Variants in ATP1A2 observed in about 807,000 individuals in gnomAD.
ATP1A2 encodes sodium/potassium-transporting ATPase subunit alpha-2.
In ATP1A2, 56 loss-of-function variants were observed where a neutral mutation model predicts 113.1. The observed-to-expected ratio is 0.49, with a 90% CI of 0.40 to 0.62. The LOEUF (loss-of-function observed/expected upper bound fraction) is 0.62. Among genes scored for constraint, ATP1A2 ranks in the 20% least tolerant of loss-of-function variants. The pLI is 0.00. For missense variants in ATP1A2, 712 were observed against 1,357.8 expected (o/e 0.52, Z 7.47); for synonymous variants, 490 against 526.8 (o/e 0.93, Z 0.96).
intron 17 of ATP1A2, 97 bp from the exon 18 acceptor site, chr1:160,136,150 A>C: frequency 6.9e-6 from 11 of 1,603,450 alleles, no homozygotes; most frequent in Non-Finnish European, 8.5e-6. Context: ...CGCTTTTTTA[A>C]CTGTGTCAAC....
intron 2 of ATP1A2, 31 bp from the exon 3 acceptor site, chr1:160,121,161 T>C (rs1026442009): frequency 5.0e-6 from 8 of 1,613,446 alleles, no homozygotes; most frequent in Admixed American, 1.7e-5. Flanking sequence ...AGATACCTCC[T>C]CCCCAAAGTA....
Position 160,123,432 on chromosome 1 carries a change from C to T in ATP1A2, c.381+16C>T, listed in dbSNP as rs2820581. On this transcript the variant is annotated intron_variant, in intron 4 of 22. Transcript: ENST00000361216. ...CAACGACAATGTGAGCCCACACGCCCGACCCGGGAACAGCCCGTGACTGTC... is the reference window on the plus strand; with the variant it reads ...CAACGACAATGTGAGCCCACACGCCTGACCCGGGAACAGCCCGTGACTGTC... 1,599,833 of 1,614,060 alleles carry T rather than the reference C, an allele frequency of 0.99. 793,807 individuals are homozygous for T. The highest frequency in any genetic ancestry group is 1 in the East Asian group (44,854 of 44,854).
Position 160,115,869 on chromosome 1 carries a change from G to T in ATP1A2, c.8G>T (p.Arg3Leu). 1 of 1,601,230 alleles carries T rather than the reference G, an allele frequency of 6.2e-7. No individual in the cohort carries two copies. The highest frequency in any genetic ancestry group is 8.5e-7 in the Non-Finnish European group (1 of 1,174,248). ...CAGCCACTCTGCCCCAAGATGGGCC[G>T]TGGGGTGAGTATCCCTAAAGAGCAG... The part of the protein sequence containing the change: MG[R>L]GAGREYSPAA... Residue 3 changes from arginine (R) to leucine (L), a missense_variant, in exon 1 of 23, where the codon CGT becomes CTT. Coordinates refer to ENST00000361216, the MANE Select transcript of ATP1A2 (RefSeq NM_000702.4).
rs373276446 is a variant in ATP1A2 at position 160,136,961 on chromosome 1, G to A, written c.2770G>A (p.Val924Met). The change falls in exon 20 of 23, where the codon GTG becomes ATG. Residue 924 changes from valine to methionine, a missense_variant. Physicochemically the swap from Val to Met is conservative, Grantham distance 21. This residue lies in a region of ATP1A2 where 188 missense variants were observed against 438.9 expected (regional missense o/e 0.43). Coordinates refer to ENST00000361216, the MANE Select transcript of ATP1A2 (RefSeq NM_000702.4). ...TCHTAFFASIVVVQWADLIIC... is the reference protein window; with the variant it reads ...TCHTAFFASIMVVQWADLIIC... The stretch of plus-strand genomic sequence containing the variant: ...CCACACGGCATTCTTTGCCAGCATC[G>A]TGGTGGTGCAGTGGGCTGACCTCAT... 19 of 1,614,120 alleles carry A rather than the reference G, an allele frequency of 1.2e-5. No homozygotes were observed. Among genetic ancestry groups the A allele is most frequent in the Admixed American group, 1.7e-5 (1 of 60,016 alleles).
chr1:160,126,782 A>G (rs891506022), intron 7 of ATP1A2, among the ~76,000 whole-genome samples: 8 of 152,148 alleles, frequency 5.3e-5, no homozygotes, highest in Non-Finnish European at 1.5e-5. Flanking sequence ...AATTTCCTAA[A>G]TTTTTAATGT....
intron 3 of ATP1A2, among the ~76,000 whole-genome samples, chr1:160,121,843 C>A (rs568284186): frequency 6.6e-6 from 1 of 152,242 alleles, no homozygotes; most frequent in African/African-American, 2.4e-5. Flanking sequence ...AATCATTAAT[C>A]AAAAAATGCT....
At position 160,142,004 on chromosome 1, in the gene ATP1A2, T is replaced by C. The variant is rs60949592; in HGVS notation, c.*682T>C. 0.022 allele frequency: 3,335 copies of C among 155,092 alleles called. 127 individuals carry two copies. Among genetic ancestry groups the C allele is most frequent in the African/African-American group, 0.075 (3,109 of 41,530 alleles). 9.6% of individuals were successfully genotyped at this position (155,092 alleles called of 1,614,324 possible). A position where few individuals can be genotyped will look rare whatever the true frequency, so the allele number is the denominator to read the frequency against. The stretch of plus-strand genomic sequence containing the variant: ...CATTTGACATGAGTCTCCAGATAGA[T>C]GTCGTGGACTCCAGCTCTACGTCCC... On this transcript the variant is annotated 3_prime_UTR_variant, in exon 23 of 23. Coordinates refer to ENST00000361216, the MANE Select transcript of ATP1A2 (RefSeq NM_000702.4).
chr1:160,136,625 C>T lies in ATP1A2; in HGVS notation c.2619C>T (p.Asn873=), dbSNP rs150835011. The T allele has an allele frequency of 1.4e-5, 23 of 1,614,228 alleles. No homozygotes were observed. Among genetic ancestry groups the T allele is most frequent in the East Asian group, 8.9e-5 (4 of 44,884 alleles). ...FFTYFVILAE[N]GFLPSRLLGI... Reference sequence around the variant, plus strand: ...CCTACTTTGTGATCCTGGCAGAGAACGGTTTCCTGCCATCACGGCTACTGG... The same window carrying T: ...CCTACTTTGTGATCCTGGCAGAGAATGGTTTCCTGCCATCACGGCTACTGG... The change falls in exon 19 of 23, where the codon AAC becomes AAT. Residue 873 remains asparagine (N), a synonymous_variant. Coordinates refer to ENST00000361216, the MANE Select transcript of ATP1A2 (RefSeq NM_000702.4).
At chr1:160,116,982 T>G (rs75497247) in intron 1 of ATP1A2, among the ~76,000 whole-genome samples, 2,968 of 152,210 alleles carry the variant, frequency 0.019, 48 homozygotes, top group African/African-American at 0.038. Flanking sequence ...TGTGTGTCCT[T>G]GACCACGTGT....
chr1:160,137,097 C>G, intron 20 of ATP1A2, 66 bp downstream of exon 20: 1 of 1,612,224 alleles, frequency 6.2e-7, no homozygotes, highest in Non-Finnish European at 8.5e-7. Flanking sequence ...CCCACACAGG[C>G]CAAGCTTCCA....
intron 7 of ATP1A2, among the ~76,000 whole-genome samples, chr1:160,127,156 G>C (rs185063411): frequency 2.6e-5 from 4 of 152,342 alleles, no homozygotes; most frequent in Admixed American, 1.3e-4. Flanking sequence ...TGTTGAGAAA[G>C]AAAATCTTAA....
intron 10 of ATP1A2, 50 bp from the exon 11 acceptor site, chr1:160,129,216 C>G: frequency 2.5e-6 from 4 of 1,613,758 alleles, no homozygotes; most frequent in Non-Finnish European, 3.4e-6. Flanking sequence ...ACCTGATCCT[C>G]CACTCCCTTC....
intron 1 of ATP1A2, 150 bp from the exon 2 acceptor site, chr1:160,120,756 T>C: frequency 5.5e-6 from 4 of 728,852 alleles, no homozygotes. Flanking sequence ...GGGCCTAGGG[T>C]CCCTCACCCT....
intron 13 of ATP1A2, among the ~76,000 whole-genome samples, chr1:160,133,593 A>G (rs558944387): frequency 1.4e-4 from 22 of 152,246 alleles, no homozygotes; most frequent in Admixed American, 9.2e-4. Flanking sequence ...CAGATGCTCA[A>G]GGTGGTGGAG....
At chr1:160,123,596 A>T (rs1164188979) in intron 4 of ATP1A2, among the ~76,000 whole-genome samples, 180 bp downstream of exon 4, 1 of 152,226 alleles carries the variant, frequency 6.6e-6, no homozygotes, top group Non-Finnish European at 1.5e-5. Context: ...TCCTCCGCCA[A>T]CAGTGCATAC....
At chr1:160,126,428 C>T (rs779787771) in intron 7 of ATP1A2, among the ~76,000 whole-genome samples, 9 of 152,122 alleles carry the variant, frequency 5.9e-5, no homozygotes, top group Non-Finnish European at 1.2e-4. Flanking sequence ...GGAGGGCCAA[C>T]TGTACAAATA....
chr1:160,120,379 C>T (rs183528011), intron 1 of ATP1A2, among the ~76,000 whole-genome samples: 35 of 152,210 alleles, frequency 2.3e-4, no homozygotes, highest in Admixed American at 1.6e-3. Context: ...TGGACACGTT[C>T]CTGCCTAATC....
At position 160,125,273 on chromosome 1, in the gene ATP1A2, C is replaced by G. The variant is rs1258278677; in HGVS notation, c.748+20C>G. ...TTGAAGGTGAGAAGCCAGGCTGCCC[C>G]CTGTAGGAAAGAGTCTGAATCCTGA... On this transcript the variant is annotated intron_variant, in intron 7 of 22. Transcript: ENST00000361216. 1.3e-6 allele frequency: 2 copies of G among 1,595,294 alleles called. No individual in the cohort carries two copies. Among genetic ancestry groups the G allele is most frequent in the Admixed American group, 1.7e-5 (1 of 59,988 alleles).
intron 1 of ATP1A2, among the ~76,000 whole-genome samples, chr1:160,119,841 A>G (rs34439538): frequency 7.0e-6 from 1 of 142,114 alleles, no homozygotes; most frequent in Non-Finnish European, 1.5e-5. Flanking sequence ...AAAAAAAAAA[A>G]AAAAGAAAGA....
Sources: gnomAD v4.1 joint callset for allele counts (sites outside exome capture counted in the v4.1 genomes callset) on GRCh38, gnomAD v4.1.1 for gene constraint, gnomAD v4.1.1 regional missense constraint, MANE v1.5 for transcripts, NCBI Gene and HGNC (gene_info 2026-07-23, HGNC 2026-07-21) for gene names.